Variants in CAMKMT observed in about 807,000 individuals in gnomAD.
CAMKMT encodes the protein calmodulin-lysine N-methyltransferase.
Under a neutral mutation model 48.0 loss-of-function variants are expected in CAMKMT, and 53 were observed. That is an observed-to-expected ratio of 1.10 (90% CI 0.89 to 1.39). The LOEUF is 1.39. Ranked by LOEUF, CAMKMT falls within the 40% of genes most tolerant of loss-of-function variation. CAMKMT has a pLI of 0.00. For missense variants in CAMKMT, 428 were observed against 402.7 expected (o/e 1.06, Z -0.54); for synonymous variants, 165 against 152.3 (o/e 1.08, Z -0.61).
At chr2:44,390,832 A>T (rs1247354374) in intron 3 of CAMKMT, among the ~76,000 whole-genome samples, 1 of 152,160 alleles carries the variant, frequency 6.6e-6, no homozygotes. Context: ...CCTTTTCATC[A>T]AAGCTTCTGA....
intron 3 of CAMKMT, among the ~76,000 whole-genome samples, chr2:44,579,768 G>A (rs1669444553): frequency 6.6e-6 from 1 of 152,206 alleles, no homozygotes; most frequent in Non-Finnish European, 1.5e-5. Flanking sequence ...TTTTAGACAG[G>A]TAACTTTATT....
At chr2:44,536,180 A>G (rs1444595819) in intron 3 of CAMKMT, among the ~76,000 whole-genome samples, 1 of 152,234 alleles carries the variant, frequency 6.6e-6, no homozygotes, top group African/African-American at 2.4e-5. Context: ...TAGAAAAAGT[A>G]TAAAGTACTG....
At chr2:44,369,220 A>G (rs1678921400) in intron 1 of CAMKMT, among the ~76,000 whole-genome samples, 1 of 152,184 alleles carries the variant, frequency 6.6e-6, no homozygotes, top group African/African-American at 2.4e-5. Flanking sequence ...TAAACAATTA[A>G]AAATAAAGAA....
intron 1 of CAMKMT, among the ~76,000 whole-genome samples, chr2:44,372,463 T>C (rs1679274329): frequency 8.7e-6 from 1 of 114,334 alleles, no homozygotes; most frequent in South Asian, 3.6e-4. Context: ...TAAGATCCTG[T>C]CTCAAAAAAA....
chr2:44,630,071 G>C (rs1477694786), intron 3 of CAMKMT, among the ~76,000 whole-genome samples: 2 of 151,296 alleles, frequency 1.3e-5, no homozygotes, highest in Non-Finnish European at 2.9e-5. Flanking sequence ...GAACAGAACA[G>C]AGCCCTCAGA....
intron 3 of CAMKMT, among the ~76,000 whole-genome samples, chr2:44,468,609 T>A (rs1668251663): frequency 6.6e-6 from 1 of 152,164 alleles, no homozygotes; most frequent in Non-Finnish European, 1.5e-5. Context: ...TGTGTTCATC[T>A]AGAGATGGAT....
At chr2:44,379,428 A>G (rs1479267869) in intron 2 of CAMKMT, among the ~76,000 whole-genome samples, 1 of 152,202 alleles carries the variant, frequency 6.6e-6, no homozygotes, top group East Asian at 1.9e-4. Flanking sequence ...GTATGTACCC[A>G]GGAGTGGAAT....
intron 3 of CAMKMT, among the ~76,000 whole-genome samples, chr2:44,491,471 A>T (rs1017222175): frequency 5.3e-5 from 8 of 152,204 alleles, no homozygotes; most frequent in African/African-American, 1.7e-4. Flanking sequence ...GGCTTCCAGG[A>T]TATTTAAAAA....
At chr2:44,561,040 AT>A (rs1668296653) in intron 3 of CAMKMT, among the ~76,000 whole-genome samples, 1 of 152,132 alleles carries the variant, frequency 6.6e-6, no homozygotes, top group African/African-American at 2.4e-5. Flanking sequence ...ACCCTTTATT[AT>A]TATGTCATAT....
chr2:44,390,685 G>A (rs1035977027), intron 3 of CAMKMT, among the ~76,000 whole-genome samples: 5 of 151,922 alleles, frequency 3.3e-5, no homozygotes, highest in Non-Finnish European at 2.9e-5. Context: ...CTTTGTTTCG[G>A]GTGCTTTCTT....
chr2:44,506,895 A>T (rs1006659449), intron 3 of CAMKMT, among the ~76,000 whole-genome samples: 25 of 152,326 alleles, frequency 1.6e-4, no homozygotes, highest in African/African-American at 6.0e-4. Flanking sequence ...CTGATCAAAA[A>T]ATCTTCAAAT....
rs542549046 is a variant in CAMKMT, at chr2:44,687,716, A to T, written c.377-16567A>T. On this transcript the variant is annotated intron_variant, in intron 3 of 10. Transcript: ENST00000378494. Reference sequence around the variant, plus strand: ...AAAATTAAACCAGGGATTGGTTTTGAGCGAATAGCCCTATATCCTTACAGA... The same window carrying T: ...AAAATTAAACCAGGGATTGGTTTTGTGCGAATAGCCCTATATCCTTACAGA... Among the ~76,000 whole-genome samples the T allele has an allele frequency of 2.0e-5, 3 of 152,382 alleles. No homozygotes were observed. The East Asian group carries it at 5.8e-4, about 29-fold the overall frequency.
At chr2:44,539,120 A>G (rs189063289) in intron 3 of CAMKMT, among the ~76,000 whole-genome samples, 14 of 151,960 alleles carry the variant, frequency 9.2e-5, no homozygotes, top group Admixed American at 9.2e-4. Context: ...CCTGGGCAAC[A>G]TAGTGAAACC....
At chr2:44,691,438 C>T (rs568874946) in intron 3 of CAMKMT, among the ~76,000 whole-genome samples, 4 of 152,310 alleles carry the variant, frequency 2.6e-5, no homozygotes, top group African/African-American at 4.8e-5. Context: ...CTAATCGTCA[C>T]GTTAATAGTC....
chr2:44,613,420 G>C (rs1671702302), intron 3 of CAMKMT, among the ~76,000 whole-genome samples: 1 of 152,180 alleles, frequency 6.6e-6, no homozygotes, highest in African/African-American at 2.4e-5. Flanking sequence ...CACAGCAGCA[G>C]GACTTCAGGA....
chr2:44,599,456 A>G (rs1435634016), intron 3 of CAMKMT, among the ~76,000 whole-genome samples: 4 of 152,130 alleles, frequency 2.6e-5, no homozygotes, highest in African/African-American at 9.7e-5. Flanking sequence ...GCTGGAAAAA[A>G]TGTAGATACA....
At chr2:44,637,092 G>A (rs558558384) in intron 3 of CAMKMT, among the ~76,000 whole-genome samples, 30 of 152,284 alleles carry the variant, frequency 2.0e-4, no homozygotes, top group African/African-American at 7.2e-4. Flanking sequence ...TAAGGCTAGT[G>A]GGTGTTCGCT....
intron 9 of CAMKMT, among the ~76,000 whole-genome samples, chr2:44,759,749 T>G (rs1349911728): frequency 6.6e-6 from 1 of 152,134 alleles, no homozygotes; most frequent in African/African-American, 2.4e-5. Context: ...AGAAGTCCTT[T>G]TCTAATATCT....
chr2:44,385,388 C>G (rs1473618688), intron 2 of CAMKMT, among the ~76,000 whole-genome samples: 2 of 152,108 alleles, frequency 1.3e-5, no homozygotes, highest in African/African-American at 4.8e-5. Flanking sequence ...CTGGAGGAGT[C>G]TTTAGGGTTG....
Sources: allele counts gnomAD v4.1 joint callset (sites outside exome capture counted in the v4.1 genomes callset), GRCh38; gene constraint gnomAD v4.1.1; transcripts MANE v1.5; gene names NCBI Gene and HGNC (gene_info 2026-07-23, HGNC 2026-07-21).